The following KCNG3 variants were observed in gnomAD, a reference collection of about 807,000 sequenced individuals.
The protein encoded by KCNG3 is potassium voltage-gated channel modifier subfamily G member 3, also known as voltage-gated potassium channel regulatory subunit KCNG3.
Under a neutral mutation model 29.0 loss-of-function variants are expected in KCNG3, and 15 were observed. The observed-to-expected ratio is 0.52, with a 90% confidence interval of 0.35 to 0.80. The LOEUF (loss-of-function observed/expected upper bound fraction) is 0.80, where lower values mean the gene tolerates loss of function less well. Among genes scored for constraint, KCNG3 ranks in the 30% least tolerant of loss-of-function variants. The pLI is 0.01. For synonymous variants in KCNG3, 322 were observed against 248.9 expected, an observed-to-expected ratio of 1.29 and a Z score of -2.76; for missense variants, 512 against 605.7, an observed-to-expected ratio of 0.85 and a Z score of 1.62.
the KCNG3 span, among the ~76,000 whole-genome samples, chr2:42,409,756 AG>A: frequency 6.6e-6 from 1 of 151,178 alleles, no homozygotes; most frequent in African/African-American, 2.4e-5. Flanking sequence ...ACAGTGAAAA[AG>A]CTCGCGCTCC....
At chr2:42,390,786 C>T in the KCNG3 span, among the ~76,000 whole-genome samples, 2 of 152,224 alleles carry the variant, frequency 1.3e-5, no homozygotes, top group African/African-American at 4.8e-5. Flanking sequence ...AGCTCTCCCA[C>T]CAGCATTCAC....
chr2:42,479,292 T>C (rs1673520586), intron 1 of KCNG3, among the ~76,000 whole-genome samples: 1 of 152,048 alleles, frequency 6.6e-6, no homozygotes, highest in South Asian at 2.1e-4. Context: ...CACAATCAGC[T>C]CCAAGTAGTG....
chr2:42,428,449 C>T, the KCNG3 span, among the ~76,000 whole-genome samples: 3 of 125,412 alleles, frequency 2.4e-5, no homozygotes, highest in African/African-American at 6.1e-5. Flanking sequence ...TGAGAGAGAC[C>T]CGGTCTCGGG....
chr2:42,489,386 CTCAA>C (rs906768918), intron 1 of KCNG3, among the ~76,000 whole-genome samples: 14 of 152,066 alleles, frequency 9.2e-5, no homozygotes, highest in African/African-American at 2.9e-4. Context: ...GAGATCTCTT[CTCAA>C]TCAATCAACA....
Sources: gnomAD v4.1 joint callset for allele counts (sites outside exome capture counted in the v4.1 genomes callset) on GRCh38, gnomAD v4.1.1 for gene constraint, MANE v1.5 for transcripts, NCBI Gene and HGNC (gene_info 2026-07-23, HGNC 2026-07-21) for gene names.